Variants in UNC13C observed in about 807,000 individuals in gnomAD.
The protein encoded by UNC13C is protein unc-13 homolog C.
Under a neutral mutation model 245.4 loss-of-function variants are expected in UNC13C, and 174 were observed. That is an observed-to-expected ratio of 0.71 (90% CI 0.63 to 0.80). The LOEUF (loss-of-function observed/expected upper bound fraction) is 0.80. UNC13C is among the 30% of genes least tolerant of loss of function. UNC13C has a pLI of 0.00. For missense variants in UNC13C, 2,829 were observed against 2,602.9 expected, an observed-to-expected ratio of 1.09 and a Z score of -1.89; for synonymous variants, 992 against 895.1, an observed-to-expected ratio of 1.11 and a Z score of -1.93.
intron 4 of UNC13C, among the ~76,000 whole-genome samples, chr15:54,184,421 C>T (rs1398985431): frequency 6.6e-6 from 1 of 152,040 alleles, no homozygotes; most frequent in African/African-American, 2.4e-5. Flanking sequence ...TCCCCGCTTC[C>T]CCCACCCCAC....
the UNC13C span, among the ~76,000 whole-genome samples, chr15:53,952,130 C>G: frequency 6.6e-6 from 1 of 152,130 alleles, no homozygotes; most frequent in Non-Finnish European, 1.5e-5. Context: ...CACAGTAAAC[C>G]ATTCCTTGGT....
At chr15:54,363,697 AGAACAGC>A (rs2039289862) in intron 17 of UNC13C, among the ~76,000 whole-genome samples, 1 of 152,198 alleles carries the variant, frequency 6.6e-6, no homozygotes, top group Non-Finnish European at 1.5e-5. Flanking sequence ...GGGAGCAAGT[AGAACAGC>A]TATAGCAACA....
At chr15:54,508,510 A>C (rs1894584750) in intron 23 of UNC13C, among the ~76,000 whole-genome samples, 1 of 152,172 alleles carries the variant, frequency 6.6e-6, no homozygotes. Context: ...ACTTGGAAAA[A>C]TTAAATCTTT....
At chr15:54,541,293 A>G (rs760217159) in intron 26 of UNC13C, among the ~76,000 whole-genome samples, 1 of 152,084 alleles carries the variant, frequency 6.6e-6, no homozygotes, top group Non-Finnish European at 1.5e-5. Context: ...ACAATTATGT[A>G]TATCTTTAAA....
chr15:54,054,868 T>A (rs1595778502), intron 2 of UNC13C, among the ~76,000 whole-genome samples: 1 of 151,840 alleles, frequency 6.6e-6, no homozygotes, highest in South Asian at 2.1e-4. Flanking sequence ...AAAAATGGAG[T>A]CGACTTTGAT....
chr15:54,009,837 T>C (rs1728579771), intron 1 of UNC13C, among the ~76,000 whole-genome samples: 1 of 152,146 alleles, frequency 6.6e-6, no homozygotes, highest in African/African-American at 2.4e-5. Context: ...ACACAGCTAG[T>C]GTATCACAGA....
At chr15:53,931,257 C>T in the UNC13C span, among the ~76,000 whole-genome samples, 1 of 152,126 alleles carries the variant, frequency 6.6e-6, no homozygotes, top group East Asian at 1.9e-4. Context: ...CAACCTCTGC[C>T]TCTCGGGTTC....
At chr15:54,119,040 T>C (rs776919247) in intron 2 of UNC13C, among the ~76,000 whole-genome samples, 66 of 151,206 alleles carry the variant, frequency 4.4e-4, no homozygotes, top group Non-Finnish European at 8.4e-4. Context: ...TCCTCTCCAG[T>C]TTTTTGTTTT....
chr15:54,039,907 G>C (rs1230455667), intron 2 of UNC13C, among the ~76,000 whole-genome samples: 1 of 147,496 alleles, frequency 6.8e-6, no homozygotes, highest in Non-Finnish European at 1.5e-5. Flanking sequence ...TTCTTCCCTT[G>C]ACCCCCACCA....
At chr15:54,554,841 A>G (rs542601873) in intron 28 of UNC13C, among the ~76,000 whole-genome samples, 1 of 152,212 alleles carries the variant, frequency 6.6e-6, no homozygotes, top group South Asian at 2.1e-4. Flanking sequence ...TGAACAACGA[A>G]GAAATTCCAT....
At position 53,997,059 on chromosome 15, in the gene UNC13C, C is replaced by T. The variant is rs556134000; in HGVS notation, c.-256-15589C>T. Among the ~76,000 whole-genome samples the T allele has an allele frequency of 2.6e-5, 4 of 152,166 alleles. No individual in the cohort carries two copies. The South Asian group carries it at 8.3e-4, about 32-fold the overall frequency. ...TATAAAAGTTTCAGTTGCTCCATATCCCTTCCATCATTTGGTGTAACCAGT... is the reference window on the plus strand; with the variant it reads ...TATAAAAGTTTCAGTTGCTCCATATTCCTTCCATCATTTGGTGTAACCAGT... On this transcript the variant is annotated intron_variant, in intron 1 of 32. Coordinates refer to ENST00000260323, the MANE Select transcript of UNC13C (RefSeq NM_001080534.3).
chr15:54,448,374 T>C (rs1449834699), intron 19 of UNC13C, among the ~76,000 whole-genome samples: 2 of 152,112 alleles, frequency 1.3e-5, no homozygotes, highest in Non-Finnish European at 2.9e-5. Flanking sequence ...GACTGTGGGG[T>C]GTTAAAGTTT....
intron 8 of UNC13C, among the ~76,000 whole-genome samples, chr15:54,258,621 GGCC>G (rs2036342901): frequency 6.6e-6 from 1 of 151,898 alleles, no homozygotes; most frequent in Non-Finnish European, 1.5e-5. Flanking sequence ...TGCCTGCCTC[GGCC>G]TCCAAAAGTG....
chr15:53,988,664 C>A (rs1193901757), intron 1 of UNC13C, among the ~76,000 whole-genome samples: 2 of 151,818 alleles, frequency 1.3e-5, no homozygotes, highest in African/African-American at 2.4e-5. Flanking sequence ...TGGGTTAGAA[C>A]AGAGAAAAGT....
At chr15:54,266,140 A>C (rs1037646318) in intron 10 of UNC13C, among the ~76,000 whole-genome samples, 3 of 151,914 alleles carry the variant, frequency 2.0e-5, no homozygotes, top group African/African-American at 7.2e-5. Context: ...TTTTTTCTTT[A>C]GTTCTCTCTT....
intron 5 of UNC13C, among the ~76,000 whole-genome samples, 173 bp downstream of exon 5, chr15:54,235,281 G>A (rs923199429): frequency 2.0e-5 from 3 of 152,098 alleles, no homozygotes; most frequent in African/African-American, 7.2e-5. Context: ...AAATCTATTA[G>A]ATGGAGGAGA....
At chr15:54,476,479 T>G (rs1282235656) in intron 19 of UNC13C, among the ~76,000 whole-genome samples, 2 of 124,106 alleles carry the variant, frequency 1.6e-5, no homozygotes, top group Non-Finnish European at 3.5e-5. Context: ...TTGAATTAAT[T>G]TTTGTATAAG....
At chr15:53,926,799 G>A in the UNC13C span, among the ~76,000 whole-genome samples, 1 of 152,144 alleles carries the variant, frequency 6.6e-6, no homozygotes, top group East Asian at 1.9e-4. Flanking sequence ...GTTCCAGAGA[G>A]AAGGACATTC....
At chr15:54,433,029 C>T (rs2040904171) in intron 19 of UNC13C, among the ~76,000 whole-genome samples, 1 of 151,912 alleles carries the variant, frequency 6.6e-6, no homozygotes, top group Non-Finnish European at 1.5e-5. Context: ...CATATATCTT[C>T]CAAGACTAAA....
Sources: allele counts gnomAD v4.1 joint callset (sites outside exome capture counted in the v4.1 genomes callset), GRCh38; gene constraint gnomAD v4.1.1; transcripts MANE v1.5; gene names NCBI Gene and HGNC (gene_info 2026-07-23, HGNC 2026-07-21).